Variants in DSCAML1 observed in about 807,000 individuals in gnomAD.
DSCAML1 encodes the protein DS cell adhesion molecule like 1.
In DSCAML1, 38 loss-of-function variants were observed where a neutral mutation model predicts 200.5. The ratio of observed to expected loss-of-function variants is 0.19; its 90% CI spans 0.15 to 0.25. The LOEUF (loss-of-function observed/expected upper bound fraction) is 0.25. DSCAML1 is among the 10% of genes least tolerant of loss of function. DSCAML1 has a pLI of 1.00. For missense variants in DSCAML1, 2,223 were observed against 2,858.8 expected (o/e 0.78, Z 5.07); for synonymous variants, 1,215 against 1,165.0 (o/e 1.04, Z -0.87).
intron 11 of DSCAML1, among the ~76,000 whole-genome samples, chr11:117,488,881 C>A (rs1432987920): frequency 2.0e-5 from 3 of 152,244 alleles, no homozygotes; most frequent in African/African-American, 7.2e-5. Flanking sequence ...TGTTATTATG[C>A]CCCGGTTCCA....
At chr11:117,694,470 T>C (rs1055170884) in intron 3 of DSCAML1, among the ~76,000 whole-genome samples, 2 of 151,880 alleles carry the variant, frequency 1.3e-5, no homozygotes, top group African/African-American at 4.8e-5. Flanking sequence ...TGTTCGTGTC[T>C]CAAAATAGAG....
intron 3 of DSCAML1, among the ~76,000 whole-genome samples, chr11:117,594,908 G>A (rs954244926): frequency 2.0e-5 from 3 of 152,040 alleles, no homozygotes; most frequent in Non-Finnish European, 2.9e-5. Flanking sequence ...TTCTGTGGTG[G>A]GATTTTCATT....
At chr11:117,731,604 G>T (rs2054220491) in intron 3 of DSCAML1, among the ~76,000 whole-genome samples, 1 of 152,106 alleles carries the variant, frequency 6.6e-6, no homozygotes, top group African/African-American at 2.4e-5. Flanking sequence ...CCAGAAGCTG[G>T]GCAATCTGCC....
chr11:117,530,212 A>T (rs899656238), intron 4 of DSCAML1, among the ~76,000 whole-genome samples: 53 of 152,176 alleles, frequency 3.5e-4, no homozygotes, highest in Admixed American at 2.9e-3. Context: ...AAGGGCTGGC[A>T]TGGCCTCCAG....
At chr11:117,650,653 GTGTGTGTGTCTATC>G (rs1383402212) in intron 3 of DSCAML1, among the ~76,000 whole-genome samples, 1 of 149,662 alleles carries the variant, frequency 6.7e-6, no homozygotes, top group Non-Finnish European at 1.5e-5. Context: ...TCTGTTTAAA[GTGTGTGTGTCTATC>G]TGTGTGTGTG....
chr11:117,670,358 C>T (rs1489689491), intron 3 of DSCAML1, among the ~76,000 whole-genome samples: 1 of 152,030 alleles, frequency 6.6e-6, no homozygotes, highest in Non-Finnish European at 1.5e-5. Context: ...GAACGAAATC[C>T]ACTCATTCAT....
In DSCAML1 at chr11:117,481,362, C is replaced by A. The variant is rs1244663777; in HGVS notation, c.2560-92G>T. 1.3e-4 allele frequency: 158 copies of A among 1,259,590 alleles called. No homozygotes were observed. The East Asian group carries it at 3.7e-3, about 29-fold the overall frequency. 78.0% of individuals were successfully genotyped at this position (1,259,590 alleles called of 1,614,324 possible). On this transcript the variant is annotated intron_variant, in intron 12 of 32. Transcript: ENST00000651296. The stretch of plus-strand genomic sequence containing the variant: ...GAAGGGGTCACTCCAGGGCTCTCAG[C>A]AAGGCCCTCTTGTTCTGGGAGGGGG...
At chr11:117,559,019 T>C (rs1028630795) in intron 3 of DSCAML1, among the ~76,000 whole-genome samples, 50 of 152,110 alleles carry the variant, frequency 3.3e-4, no homozygotes, top group Admixed American at 3.1e-3. Flanking sequence ...CTCCCTTTTC[T>C]CCTGTCTTAT....
intron 3 of DSCAML1, among the ~76,000 whole-genome samples, chr11:117,564,560 T>G (rs1034225111): frequency 1.3e-5 from 2 of 152,144 alleles, no homozygotes; most frequent in African/African-American, 4.8e-5. Flanking sequence ...CTCTTGCTGG[T>G]CCCTCTGCTG....
chr11:117,720,451 G>A (rs1004980706), intron 3 of DSCAML1, among the ~76,000 whole-genome samples: 2 of 151,918 alleles, frequency 1.3e-5, no homozygotes, highest in Non-Finnish European at 2.9e-5. Flanking sequence ...ATCATGAGAG[G>A]CGAGCCCCAG....
At chr11:117,770,952 AGAGT>A (rs1478973973) in intron 3 of DSCAML1, among the ~76,000 whole-genome samples, 1 of 152,224 alleles carries the variant, frequency 6.6e-6, no homozygotes. Flanking sequence ...ATGTGCCCTG[AGAGT>A]GAGCAGGAGA....
chr11:117,633,791 G>GC (rs2052223105), intron 3 of DSCAML1, among the ~76,000 whole-genome samples: 1 of 152,210 alleles, frequency 6.6e-6, no homozygotes, highest in African/African-American at 2.4e-5. Flanking sequence ...GGAGGGCGAG[G>GC]CAGAGGTGCA....
chr11:117,449,970 C>T (rs2048253814), intron 20 of DSCAML1, among the ~76,000 whole-genome samples: 1 of 152,218 alleles, frequency 6.6e-6, no homozygotes, highest in East Asian at 1.9e-4. Context: ...TATGTCCTGC[C>T]TGGGGGCTGC....
intron 1 of DSCAML1, among the ~76,000 whole-genome samples, chr11:117,809,211 T>C (rs1439397294): frequency 1.3e-5 from 2 of 152,212 alleles, no homozygotes; most frequent in African/African-American, 4.8e-5. Context: ...TCTTGCCTCA[T>C]TTGGCGAAGG....
At chr11:117,541,738 C>T (rs506836) in intron 3 of DSCAML1, among the ~76,000 whole-genome samples, 23,723 of 152,098 alleles carry the variant, frequency 0.16, 2,103 homozygotes, top group South Asian at 0.39. Context: ...AGTGAGGCCC[C>T]TGCAAGGCCT....
At chr11:117,709,100 T>C (rs634416) in intron 3 of DSCAML1, among the ~76,000 whole-genome samples, 138,547 of 152,210 alleles carry the variant, frequency 0.91, 63,547 homozygotes, top group Non-Finnish European at 0.97. Context: ...ATAAGGTGAC[T>C]GACTCCTGCC....
At chr11:117,802,624 T>C (rs914032481) in intron 1 of DSCAML1, among the ~76,000 whole-genome samples, 14 of 151,990 alleles carry the variant, frequency 9.2e-5, no homozygotes, top group African/African-American at 3.4e-4. Context: ...TCTCTAAGAG[T>C]GAGCATTTGG....
intron 1 of DSCAML1, among the ~76,000 whole-genome samples, chr11:117,810,239 C>G (rs1261414202): frequency 1.3e-5 from 2 of 151,020 alleles, no homozygotes; most frequent in Non-Finnish European, 2.9e-5. Context: ...ACTCCGTGGA[C>G]CCAAAACTCC....
intron 3 of DSCAML1, among the ~76,000 whole-genome samples, chr11:117,776,474 C>G (rs181740343): frequency 6.6e-6 from 1 of 152,068 alleles, no homozygotes; most frequent in African/African-American, 2.4e-5. Context: ...CCTCCCGTCC[C>G]TCAGGGCTGG....
Sources: allele counts gnomAD v4.1 joint callset (sites outside exome capture counted in the v4.1 genomes callset), GRCh38; gene constraint gnomAD v4.1.1; transcripts MANE v1.5; gene names NCBI Gene and HGNC (gene_info 2026-07-23, HGNC 2026-07-21).